The following SLC28A2 variants were observed in gnomAD, a reference collection of about 807,000 sequenced individuals.
The protein encoded by SLC28A2 is solute carrier family 28 member 2.
Under a neutral mutation model 72.9 loss-of-function variants are expected in SLC28A2, and 69 were observed. That is an observed-to-expected ratio of 0.95 (90% CI 0.78 to 1.16). The LOEUF is 1.16. Ranked by LOEUF, SLC28A2 falls within the 50% of genes most tolerant of loss-of-function variation. The pLI is 0.00. For missense variants in SLC28A2, 745 were observed against 791.1 expected, an observed-to-expected ratio of 0.94 and a Z score of 0.70; for synonymous variants, 296 against 294.1, an observed-to-expected ratio of 1.01 and a Z score of -0.07.
chr15:45,271,484 G>C (rs777351369), intron 15 of SLC28A2, among the ~76,000 whole-genome samples: 3 of 151,996 alleles, frequency 2.0e-5, no homozygotes, highest in Non-Finnish European at 4.4e-5. Context: ...AGGATTGCTT[G>C]AACTCAGATC....
intron 3 of SLC28A2, among the ~76,000 whole-genome samples, chr15:45,258,861 T>G (rs1204828742): frequency 2.0e-5 from 3 of 152,230 alleles, no homozygotes; most frequent in African/African-American, 7.2e-5. Context: ...GTATATACTT[T>G]GGAGTGGAAT....
At chr15:45,271,749 C>T (rs1017108743) in intron 15 of SLC28A2, 16 of 152,060 alleles carry the variant, frequency 1.1e-4, no homozygotes, top group African/African-American at 3.9e-4. Flanking sequence ...TGAAATAATT[C>T]CCTTTCAGTT....
At position 45,253,428 on chromosome 15, in the gene SLC28A2, G is replaced by C; in HGVS notation, c.82-4G>C. On this transcript the variant is annotated splice_polypyrimidine_tract_variant and splice_region_variant and intron_variant, in intron 2 of 17. Coordinates refer to ENST00000347644, the MANE Select transcript of SLC28A2 (RefSeq NM_004212.4). ...ACTGATCCCAATGCTCTCTGTGCTT[G>C]TAGGAAAAAGAAGTAGAGCCTGAGG... 1 of 1,612,394 alleles carries C rather than the reference G, an allele frequency of 6.2e-7. No individual in the cohort carries two copies. Among genetic ancestry groups the C allele is most frequent in the Non-Finnish European group, 8.5e-7 (1 of 1,178,444 alleles).
At chr15:45,269,725 T>C (rs1278183415) in intron 14 of SLC28A2, among the ~76,000 whole-genome samples, 190 bp downstream of exon 14, 2 of 152,180 alleles carry the variant, frequency 1.3e-5, no homozygotes, top group African/African-American at 4.8e-5. Flanking sequence ...ATTATGGGTC[T>C]GCATGCTATT....
At chr15:45,261,832 G>A (rs1202541970) in intron 3 of SLC28A2, among the ~76,000 whole-genome samples, 183 bp from the exon 4 acceptor site, 2 of 152,188 alleles carry the variant, frequency 1.3e-5, no homozygotes, top group Non-Finnish European at 2.9e-5. Flanking sequence ...CTGCCCACCA[G>A]CAAGGTTTGA....
At position 45,267,561 on chromosome 15, in the gene SLC28A2, G is replaced by A; in HGVS notation, c.1049G>A (p.Gly350Glu). 6.2e-7 allele frequency: 1 copy of A among 1,614,156 alleles called. No homozygotes were observed. The highest frequency in any genetic ancestry group is 8.5e-7 in the Non-Finnish European group (1 of 1,180,030). Residue 350 changes from glycine to glutamate, a missense_variant, in exon 11 of 18, where the codon GGA becomes GAA. Physicochemically the swap from Gly to Glu is moderately conservative, Grantham distance 98. Coordinates refer to ENST00000347644, the MANE Select transcript of SLC28A2 (RefSeq NM_004212.4). ...GCCACCATTTCTGGCACTGTGCTGGGAGCCTTCATAGCCTTTGGGGTAGGC... is the reference window on the plus strand; with the variant it reads ...GCCACCATTTCTGGCACTGTGCTGGAAGCCTTCATAGCCTTTGGGGTAGGC... ...GFATISGTVL[G>E]AFIAFGVDAS...
intron 3 of SLC28A2, among the ~76,000 whole-genome samples, chr15:45,256,482 A>G (rs113094909): frequency 0.091 from 13,857 of 151,920 alleles, 2,021 homozygotes; most frequent in African/African-American, 0.31. Flanking sequence ...TGGTGTGATC[A>G]CTGCAACCTC....
At position 45,270,801 on chromosome 15, in the gene SLC28A2, A is replaced by T. The variant is rs71480296; in HGVS notation, c.1648+525A>T. On this transcript the variant is annotated intron_variant, in intron 15 of 17. Transcript: ENST00000347644. The stretch of plus-strand genomic sequence containing the variant: ...CACTATGCCCATTATTATTATTATT[A>T]TTTTTTTTGTATTTTTAGAAGAGAC... Among the ~76,000 whole-genome samples the T allele has an allele frequency of 3.5e-3, 532 of 150,898 alleles. 3 individuals carry two copies. Among genetic ancestry groups the T allele is most frequent in the South Asian group, 0.012 (58 of 4,770 alleles).
intron 8 of SLC28A2, 92 bp downstream of exon 8, chr15:45,265,258 C>A (rs11632419): frequency 0.56 from 485,910 of 874,406 alleles, 150,240 homozygotes; most frequent in Non-Finnish European, 0.67. Context: ...AGATCAGCGC[C>A]CCTGTATACC....
chr15:45,270,394 G>C, intron 15 of SLC28A2, 118 bp downstream of exon 15: 5 of 745,816 alleles, frequency 6.7e-6, no homozygotes, highest in Non-Finnish European at 1.2e-5. Flanking sequence ...TTGTGAAATG[G>C]GCCCATTTCT....
intron 9 of SLC28A2, 21 bp downstream of exon 9, chr15:45,265,684 A>C: frequency 6.6e-7 from 1 of 1,524,840 alleles, no homozygotes; most frequent in Non-Finnish European, 9.1e-7. Flanking sequence ...CTCTTACACC[A>C]GTCAGGAGAC....
At position 45,269,554 on chromosome 15, in the gene SLC28A2, A is replaced by T; in HGVS notation, c.1566+19A>T. 1 of 1,602,474 alleles carries T rather than the reference A, an allele frequency of 6.2e-7. No homozygotes were observed. The highest frequency in any genetic ancestry group is 8.6e-7 in the Non-Finnish European group (1 of 1,169,410). On this transcript the variant is annotated intron_variant, in intron 14 of 17. Coordinates refer to ENST00000347644, the MANE Select transcript of SLC28A2 (RefSeq NM_004212.4). ...GATTTCTGTAAGTGACAATCCAAAA[A>T]GCATAAACACCGTGAGGTCTCAGCC...
intron 6 of SLC28A2, 69 bp from the exon 7 acceptor site, chr15:45,264,586 T>C: frequency 9.6e-7 from 1 of 1,040,978 alleles, no homozygotes; most frequent in South Asian, 1.3e-5. Flanking sequence ...CCAGAGTACA[T>C]GTTTAAAACT....
intron 4 of SLC28A2, among the ~76,000 whole-genome samples, chr15:45,262,353 G>T (rs1789044873): frequency 1.3e-5 from 2 of 152,168 alleles, no homozygotes; most frequent in South Asian, 4.1e-4. Context: ...ATATTTCAGA[G>T]AATGGGGGCT....
Position 45,263,237 on chromosome 15 carries a change from A to G in SLC28A2, c.439A>G (p.Thr147Ala), listed in dbSNP as rs367859907. The G allele has an allele frequency of 9.9e-6, 16 of 1,613,262 alleles. No homozygotes were observed. The African/African-American group carries it at 2.0e-4, about 20-fold the overall frequency. The change falls in exon 5 of 18, where the codon ACG becomes GCG. Residue 147 changes from threonine to alanine, a missense_variant. Transcript: ENST00000347644. ...PFENSRLRLW[T>A]KWVFAGVSLV... The stretch of plus-strand genomic sequence containing the variant: ...TGAAAACTCCCGCCTGAGGCTTTGG[A>G]CGAAATGGTAAGATAAGAATCTCAA...
At chr15:45,264,905 T>G in intron 7 of SLC28A2, 137 bp downstream of exon 7, 2 of 731,112 alleles carry the variant, frequency 2.7e-6, no homozygotes, top group Non-Finnish European at 4.8e-6. Context: ...GAGAGTGTAC[T>G]AGGATACAGC....
intron 14 of SLC28A2, 135 bp downstream of exon 14, chr15:45,269,670 C>G: frequency 1.4e-6 from 1 of 699,822 alleles, no homozygotes; most frequent in Non-Finnish European, 2.5e-6. Context: ...ACTACAAAGC[C>G]AGCAGAACAG....
rs1165363980 is a variant in SLC28A2 at position 45,267,457 on chromosome 15, A to G, written c.945A>G (p.Thr315=). 2.5e-6 allele frequency: 4 copies of G among 1,614,104 alleles called. No individual in the cohort carries two copies. The South Asian group carries it at 4.4e-5, about 18-fold the overall frequency. The change falls in exon 11 of 18, where the codon ACA becomes ACG. Residue 315 remains threonine (T), a splice_region_variant and synonymous_variant. Transcript: ENST00000347644. ...GACTGTTTTCTCCGTGTTTGTAGAC[A>G]GAGGCACCTCTGCTCATCCGTCCCT... The part of the protein sequence containing the change: ...AVAGNIFVGM[T]EAPLLIRPYL...
chr15:45,257,816 T>C (rs1053034739), intron 3 of SLC28A2, among the ~76,000 whole-genome samples: 5 of 152,240 alleles, frequency 3.3e-5, no homozygotes, highest in Admixed American at 2.6e-4. Flanking sequence ...TTGGATTTAT[T>C]TTTAAATCTT....
Sources: gnomAD v4.1 joint callset for allele counts (sites outside exome capture counted in the v4.1 genomes callset) on GRCh38, gnomAD v4.1.1 for gene constraint, MANE v1.5 for transcripts, NCBI Gene and HGNC (gene_info 2026-07-23, HGNC 2026-07-21) for gene names.